TMEM254: variants seen among roughly 807,000 people sequenced by gnomAD.
TMEM254 encodes the protein transmembrane protein 254.
Under a neutral mutation model 13.9 loss-of-function variants are expected in TMEM254, and 16 were observed. The observed-to-expected ratio is 1.15, with a 90% confidence interval of 0.78 to 1.75. The LOEUF is 1.75. Among genes scored for constraint, TMEM254 ranks in the 40% most tolerant of loss-of-function variants. The pLI is 0.00. For missense variants in TMEM254, 155 were observed against 149.0 expected (o/e 1.04, Z -0.21); for synonymous variants, 61 against 56.4 (o/e 1.08, Z -0.36).
intron 1 of TMEM254, chr10:80,079,237 C>T: frequency 8.0e-7 from 1 of 1,255,912 alleles, no homozygotes; most frequent in Non-Finnish European, 1.0e-6. Flanking sequence ...GCCGGGCCCT[C>T]GTAGGGCGAG....
At chr10:80,084,659 A>G (rs1241224560) in intron 3 of TMEM254, among the ~76,000 whole-genome samples, 1 of 152,134 alleles carries the variant, frequency 6.6e-6, no homozygotes, top group South Asian at 2.1e-4. Flanking sequence ...ACAGCCCACT[A>G]GGACCTCTTT....
chr10:80,085,062 C>T (rs1362566961), intron 3 of TMEM254, among the ~76,000 whole-genome samples: 6 of 151,994 alleles, frequency 3.9e-5, no homozygotes, highest in Admixed American at 6.6e-5. Context: ...CCTCGTAATC[C>T]GCCCACCTCG....
intron 1 of TMEM254, 133 bp downstream of exon 1, chr10:80,078,919 G>C: frequency 6.6e-7 from 1 of 1,521,614 alleles, no homozygotes; most frequent in Admixed American, 2.0e-5. Context: ...CGCTAGGAGC[G>C]GAGGGGAGGG....
chr10:80,080,895 C>T (rs1481623514), intron 1 of TMEM254, among the ~76,000 whole-genome samples: 1 of 152,152 alleles, frequency 6.6e-6, no homozygotes, highest in Non-Finnish European at 1.5e-5. Flanking sequence ...GCCTGGCCAA[C>T]ATGGTGAAAC....
intron 3 of TMEM254, chr10:80,086,364 T>C: frequency 1.5e-6 from 1 of 678,862 alleles, no homozygotes; most frequent in Non-Finnish European, 2.2e-6. Flanking sequence ...AGCACTGCTG[T>C]TCAGTGAGCC....
chr10:80,080,135 G>A (rs1053566973), intron 1 of TMEM254, among the ~76,000 whole-genome samples: 9 of 152,206 alleles, frequency 5.9e-5, no homozygotes, highest in African/African-American at 2.2e-4. Context: ...TCTGTGACTA[G>A]TTAGAATATA....
At chr10:80,082,590 G>A (rs1844096482) in intron 3 of TMEM254, among the ~76,000 whole-genome samples, 1 of 152,144 alleles carries the variant, frequency 6.6e-6, no homozygotes. Flanking sequence ...CACCTGAGGA[G>A]CTTTTTCAAA....
chr10:80,090,275 A>G, intron 3 of TMEM254: 1 of 670,834 alleles, frequency 1.5e-6, no homozygotes, highest in Non-Finnish European at 2.8e-6. Context: ...GCAGGTGTTT[A>G]TCATGACTGT....
chr10:80,089,332 G>T (rs1464251389), intron 3 of TMEM254, among the ~76,000 whole-genome samples: 1 of 150,736 alleles, frequency 6.6e-6, no homozygotes, highest in African/African-American at 2.5e-5. Flanking sequence ...TCAAAATTAG[G>T]AAGTTCCATT....
Position 80,081,636 on chromosome 10 carries a change from C to G in TMEM254, c.88-205C>G, listed in dbSNP as rs1291038654. 5.3e-6 allele frequency: 8 copies of G among 1,518,876 alleles called. No individual in the cohort carries two copies. In the East Asian group the frequency reaches 7.4e-5, roughly 14 times the overall value. 94.1% of individuals were successfully genotyped at this position (1,518,876 alleles called of 1,614,324 possible). A position where few individuals can be genotyped will look rare whatever the true frequency, so the allele number is the denominator to read the frequency against. On this transcript the variant is annotated intron_variant, in intron 1 of 3. Coordinates refer to ENST00000372281, the MANE Select transcript of TMEM254 (RefSeq NM_025125.4). ...TGAGTCATGATCATGCCACTGCACT[C>G]CAGCCCCAGCAGCGGAGTGAGACCC...
At chr10:80,079,475 C>T (rs1331706406) in intron 1 of TMEM254, 1 of 1,033,186 alleles carries the variant, frequency 9.7e-7, no homozygotes, top group African/African-American at 1.7e-5. Flanking sequence ...CAGAATAGGG[C>T]TTCCGAAGCA....
In TMEM254 at chr10:80,090,819, C is replaced by A. The variant is rs748149784; in HGVS notation, c.274C>A (p.Arg92=). ...TAGGCATAAAGGCATCACAAGTGGTCGGGCTCAGCTACTCTGGTTCCTACA... is the reference window on the plus strand; with the variant it reads ...TAGGCATAAAGGCATCACAAGTGGTAGGGCTCAGCTACTCTGGTTCCTACA... ...LCKHKGITSG[R]AQLLWFLQTF... Residue 92 remains arginine (R), a synonymous_variant, in exon 4 of 4, where the codon CGG becomes AGG. Coordinates refer to ENST00000372281, the MANE Select transcript of TMEM254 (RefSeq NM_025125.4). 3 of 1,613,758 alleles carry A rather than the reference C, an allele frequency of 1.9e-6. No homozygotes were observed. The highest frequency in any genetic ancestry group is 1.1e-5 in the South Asian group (1 of 90,948).
At chr10:80,087,507 G>A (rs1004167498) in intron 3 of TMEM254, among the ~76,000 whole-genome samples, 2 of 148,382 alleles carry the variant, frequency 1.3e-5, no homozygotes, top group Non-Finnish European at 3.0e-5. Context: ...AAAAAAATTA[G>A]CAGGGCGTGG....
intron 3 of TMEM254, among the ~76,000 whole-genome samples, chr10:80,089,162 T>G (rs1178156388): frequency 3.9e-5 from 6 of 152,204 alleles, no homozygotes; most frequent in Admixed American, 1.3e-4. Context: ...TTTATTTCTT[T>G]CTTTCAATTC....
chr10:80,079,458 G>C, intron 1 of TMEM254: 1 of 1,056,988 alleles, frequency 9.5e-7, no homozygotes, highest in Non-Finnish European at 1.1e-6. Context: ...CCATAGGCCT[G>C]CCAAGTCAGA....
At chr10:80,087,129 A>T (rs1044841847) in intron 3 of TMEM254, among the ~76,000 whole-genome samples, 1 of 152,118 alleles carries the variant, frequency 6.6e-6, no homozygotes, top group Non-Finnish European at 1.5e-5. Context: ...ATGTCTATAC[A>T]TATAAACTTA....
At chr10:80,080,103 A>G (rs1238526863) in intron 1 of TMEM254, among the ~76,000 whole-genome samples, 1 of 152,204 alleles carries the variant, frequency 6.6e-6, no homozygotes, top group Non-Finnish European at 1.5e-5. Flanking sequence ...TCAAAGGTGC[A>G]TTTCTGTTCT....
Position 80,078,669 on chromosome 10 carries a change from T to C in TMEM254, c.-31T>C, listed in dbSNP as rs749289811. 5 of 1,569,134 alleles carry C rather than the reference T, an allele frequency of 3.2e-6. No individual in the cohort carries two copies. The highest frequency in any genetic ancestry group is 4.3e-6 in the Non-Finnish European group (5 of 1,161,222). On this transcript the variant is annotated 5_prime_UTR_variant, in exon 1 of 4. Coordinates refer to ENST00000372281, the MANE Select transcript of TMEM254 (RefSeq NM_025125.4). ...TCCGCGCTCGCGCTCGACGGTGTCC[T>C]GAAGCGCGCTCCCGGGGAGGTGTTG... is the stretch of plus-strand genomic sequence containing the variant.
At chr10:80,090,401 G>A (rs1844523215) in intron 3 of TMEM254, 2 of 717,622 alleles carry the variant, frequency 2.8e-6, no homozygotes, top group South Asian at 3.0e-5. Context: ...GATTCTGAGA[G>A]ATTCTGAGTG....
Sources: allele counts gnomAD v4.1 joint callset (sites outside exome capture counted in the v4.1 genomes callset), GRCh38; gene constraint gnomAD v4.1.1; transcripts MANE v1.5; gene names NCBI Gene and HGNC (gene_info 2026-07-23, HGNC 2026-07-21).